Variants in KANK1 observed in about 807,000 individuals in gnomAD.
KANK1 encodes KN motif and ankyrin repeat domains 1, also known as KN motif and ankyrin repeat domain-containing protein 1.
KANK1 carries 109 observed loss-of-function variants against 106.2 expected under a neutral mutation model. That is an observed-to-expected ratio of 1.03 (90% CI 0.88 to 1.20). KANK1 has a LOEUF of 1.20. KANK1 is among the 50% of genes most tolerant of loss of function. The pLI is 0.00. For synonymous variants in KANK1, 873 were observed against 652.2 expected (o/e 1.34, Z -5.16); for missense variants, 2,399 against 1,710.7 (o/e 1.40, Z -7.10).
chr9:591,895 G>T (rs1824983098), intron 1 of KANK1, among the ~76,000 whole-genome samples: 1 of 151,642 alleles, frequency 6.6e-6, no homozygotes, highest in African/African-American at 2.4e-5. Context: ...CTGACCTCAG[G>T]TGATCCACCC....
intron 1 of KANK1, among the ~76,000 whole-genome samples, chr9:607,620 C>G (rs764418063): frequency 3.3e-5 from 5 of 151,788 alleles, no homozygotes; most frequent in South Asian, 4.2e-4. Context: ...CTGCACATAC[C>G]TGCACATGTG....
chr9:589,502 G>A (rs567171731), intron 1 of KANK1, among the ~76,000 whole-genome samples: 5 of 152,138 alleles, frequency 3.3e-5, no homozygotes, highest in African/African-American at 9.6e-5. Context: ...AAGAGAGGGA[G>A]GTACCCAGCG....
At chr9:473,605 A>T (rs1323211092) in intron 3 of KANK1, among the ~76,000 whole-genome samples, 2 of 152,198 alleles carry the variant, frequency 1.3e-5, no homozygotes, top group African/African-American at 4.8e-5. Flanking sequence ...GGTATTCACC[A>T]CTTATTTTAG....
At chr9:709,752 A>G (rs1210466675) in intron 2 of KANK1, among the ~76,000 whole-genome samples, 1 of 151,836 alleles carries the variant, frequency 6.6e-6, no homozygotes, top group East Asian at 1.9e-4. Context: ...AGTAACTGGG[A>G]TTACAGGCGC....
chr9:631,223 T>G (rs1334442752), intron 1 of KANK1, among the ~76,000 whole-genome samples: 1 of 152,136 alleles, frequency 6.6e-6, no homozygotes, highest in African/African-American at 2.4e-5. Flanking sequence ...ATTAAATATA[T>G]AGTACAGCCT....
intron 1 of KANK1, among the ~76,000 whole-genome samples, chr9:659,043 G>A (rs1842753831): frequency 6.6e-6 from 1 of 152,192 alleles, no homozygotes; most frequent in East Asian, 1.9e-4. Context: ...AGCATAATAC[G>A]TTTATAACTT....
At chr9:564,099 G>A (rs1226480440) in intron 1 of KANK1, among the ~76,000 whole-genome samples, 5 of 146,978 alleles carry the variant, frequency 3.4e-5, no homozygotes, top group South Asian at 2.2e-4. Context: ...TTGCTCTGTC[G>A]CCCAGGCTGG....
intron 1 of KANK1, among the ~76,000 whole-genome samples, chr9:580,209 C>G (rs1198152459): frequency 1.3e-5 from 2 of 151,760 alleles, no homozygotes; most frequent in African/African-American, 2.4e-5. Flanking sequence ...TTGTTCGTTC[C>G]TCCGGTCTGG....
Position 685,441 on chromosome 9 carries a change from G to C in KANK1, c.37+8432G>C, listed in dbSNP as rs566113245. On this transcript the variant is annotated intron_variant, in intron 2 of 11. Transcript: ENST00000382297. ...CAACAGATAGAAAAACAGAACTATA[G>C]ACATAAGGGAGAGCTGTGCTAAGGG... 248 of 152,268 alleles carry C rather than the reference G, an allele frequency of 1.6e-3. 1 individual carries two copies. The highest frequency in any genetic ancestry group is 5.7e-3 in the African/African-American group (237 of 41,532). 9.4% of individuals were successfully genotyped at this position (152,268 alleles called of 1,614,324 possible).
chr9:632,906 C>G (rs1836105304), intron 1 of KANK1, among the ~76,000 whole-genome samples: 1 of 152,076 alleles, frequency 6.6e-6, no homozygotes, highest in Non-Finnish European at 1.5e-5. Context: ...GTTTGCCAGG[C>G]TGGTCTGGAA....
intron 1 of KANK1, among the ~76,000 whole-genome samples, chr9:637,670 G>A (rs1317542007): frequency 6.6e-6 from 1 of 152,134 alleles, no homozygotes; most frequent in Non-Finnish European, 1.5e-5. Flanking sequence ...AGCCAGGAAC[G>A]AGTGTATATT....
At chr9:621,849 C>A (rs528106016) in intron 1 of KANK1, among the ~76,000 whole-genome samples, 1 of 152,066 alleles carries the variant, frequency 6.6e-6, no homozygotes, top group Non-Finnish European at 1.5e-5. Flanking sequence ...GAACTTTGCC[C>A]TCGCCGGTGG....
chr9:588,188 C>T (rs1823982107), intron 1 of KANK1, among the ~76,000 whole-genome samples: 1 of 151,982 alleles, frequency 6.6e-6, no homozygotes, highest in Non-Finnish European at 1.5e-5. Flanking sequence ...GGCTTTTTTA[C>T]ATACTTCTTT....
intron 1 of KANK1, among the ~76,000 whole-genome samples, chr9:666,066 AG>A (rs1269258639): frequency 1.3e-5 from 2 of 151,998 alleles, no homozygotes; most frequent in African/African-American, 4.8e-5. Flanking sequence ...CTGTGGTTGC[AG>A]CTACTTGGGA....
Position 740,725 on chromosome 9 carries a change from G to C in KANK1, c.3554-67G>C, listed in dbSNP as rs190146069. 9.7e-6 allele frequency: 15 copies of C among 1,539,686 alleles called. No individual in the cohort carries two copies. The East Asian group carries it at 2.2e-4, about 23-fold the overall frequency. Reference sequence around the variant, plus strand: ...TCCTGTAAACACCATCCCTTCAGTGGCTTCGTAAGCGGCTGCTATTAGAAG... The same window carrying C: ...TCCTGTAAACACCATCCCTTCAGTGCCTTCGTAAGCGGCTGCTATTAGAAG... On this transcript the variant is annotated intron_variant, in intron 8 of 11. Coordinates refer to ENST00000382297, the MANE Select transcript of KANK1 (RefSeq NM_015158.5).
chr9:663,656 C>T (rs1185143134), intron 1 of KANK1, among the ~76,000 whole-genome samples: 1 of 152,166 alleles, frequency 6.6e-6, no homozygotes, highest in Non-Finnish European at 1.5e-5. Flanking sequence ...TCACCATAGA[C>T]AGTTTCTTGG....
intron 1 of KANK1, among the ~76,000 whole-genome samples, chr9:640,723 G>A (rs934117149): frequency 7.0e-6 from 1 of 143,648 alleles, no homozygotes; most frequent in Non-Finnish European, 1.5e-5. Flanking sequence ...TTGAGATGGA[G>A]TCTTGCTCTG....
intron 1 of KANK1, among the ~76,000 whole-genome samples, chr9:535,436 T>C (rs2060252890): frequency 1.3e-5 from 2 of 152,262 alleles, no homozygotes; most frequent in Admixed American, 1.3e-4. Context: ...TAGCTCACAT[T>C]TTTGGTGCCT....
intron 1 of KANK1, among the ~76,000 whole-genome samples, chr9:532,364 CTTTTT>C (rs1187078952): frequency 2.2e-4 from 18 of 81,852 alleles, no homozygotes; most frequent in African/African-American, 5.6e-4. Flanking sequence ...GCCTCAAGCA[CTTTTT>C]TTTTTTTTTT....
Sources: gnomAD v4.1 joint callset for allele counts (sites outside exome capture counted in the v4.1 genomes callset) on GRCh38, gnomAD v4.1.1 for gene constraint, MANE v1.5 for transcripts, NCBI Gene and HGNC (gene_info 2026-07-23, HGNC 2026-07-21) for gene names.